COMMD1: variants seen among roughly 807,000 people sequenced by gnomAD.
COMMD1 encodes copper metabolism domain containing 1.
In COMMD1, 10 loss-of-function variants were observed where a neutral mutation model predicts 17.2. That is an observed-to-expected ratio of 0.58 (90% CI 0.36 to 0.99). The LOEUF is 0.99. Among genes scored for constraint, COMMD1 ranks in the 50% least tolerant of loss-of-function variants. The pLI is 0.01. For missense variants in COMMD1, 270 were observed against 231.8 expected (o/e 1.17, Z -1.07); for synonymous variants, 97 against 91.6 (o/e 1.06, Z -0.34).
At chr2:61,916,864 T>C (rs1028416764) in intron 1 of COMMD1, among the ~76,000 whole-genome samples, 16 of 152,206 alleles carry the variant, frequency 1.1e-4, no homozygotes, top group Admixed American at 2.0e-4. Context: ...AACATTTTAT[T>C]GCTAAGACAT....
chr2:61,912,507 C>T (rs903987599), intron 1 of COMMD1, among the ~76,000 whole-genome samples: 3 of 151,782 alleles, frequency 2.0e-5, no homozygotes, highest in Admixed American at 6.6e-5. Context: ...GAGGCCAAGG[C>T]GGGCAGATCA....
At chr2:62,023,235 A>G (rs1339105735) in intron 2 of COMMD1, among the ~76,000 whole-genome samples, 5 of 152,176 alleles carry the variant, frequency 3.3e-5, no homozygotes, top group Non-Finnish European at 7.4e-5. Flanking sequence ...TCAAAAAAAA[A>G]AAAAAGCATG....
chr2:61,905,665 G>C (rs571103759), upstream of COMMD1: 692 of 1,536,894 alleles, frequency 4.5e-4, 14 homozygotes, highest in South Asian at 7.8e-3. Context: ...TGCGGGGCGG[G>C]GCCTTCGCAG....
intron 2 of COMMD1, among the ~76,000 whole-genome samples, chr2:62,104,031 G>T (rs571053088): frequency 6.6e-6 from 1 of 152,076 alleles, no homozygotes; most frequent in Non-Finnish European, 1.5e-5. Context: ...TGTATAGTCA[G>T]GGTCTCACTT....
chr2:62,101,876 T>C (rs1179002999), intron 2 of COMMD1, among the ~76,000 whole-genome samples: 1 of 152,200 alleles, frequency 6.6e-6, no homozygotes, highest in Non-Finnish European at 1.5e-5. Flanking sequence ...TTATGGTGTC[T>C]GTCTCATGTA....
intron 1 of COMMD1, chr2:61,968,823 G>A (rs527948765): frequency 5.5e-6 from 1 of 182,066 alleles, no homozygotes; most frequent in African/African-American, 2.4e-5. Flanking sequence ...TTCACAAAGT[G>A]CTGGGATTAC....
Position 62,049,122 on chromosome 2 carries a change from A to G in COMMD1, c.462+48140A>G, listed in dbSNP as rs144428008. On this transcript the variant is annotated intron_variant, in intron 2 of 2. Transcript: ENST00000311832. Reference sequence around the variant, plus strand: ...AAATTGAATAATAATTAATTGCCCAATACTAAGGATATGGTATCTACATAT... The same window carrying G: ...AAATTGAATAATAATTAATTGCCCAGTACTAAGGATATGGTATCTACATAT... Among the ~76,000 whole-genome samples the G allele has an allele frequency of 7.2e-4, 109 of 152,210 alleles. 1 individual carries two copies. Among genetic ancestry groups the G allele is most frequent in the African/African-American group, 2.6e-3 (107 of 41,532 alleles).
chr2:62,134,627 T>C (rs1044356322), intron 2 of COMMD1, among the ~76,000 whole-genome samples: 2 of 151,984 alleles, frequency 1.3e-5, no homozygotes, highest in African/African-American at 4.8e-5. Context: ...ATTTTTTTTT[T>C]TAGTTAACTG....
At chr2:62,095,535 C>G (rs866869534) in intron 2 of COMMD1, among the ~76,000 whole-genome samples, 4 of 151,984 alleles carry the variant, frequency 2.6e-5, no homozygotes, top group African/African-American at 9.7e-5. Flanking sequence ...CTGCCTGTAG[C>G]AACCTATATG....
At chr2:62,092,277 T>C (rs1330823801) in intron 2 of COMMD1, among the ~76,000 whole-genome samples, 1 of 152,180 alleles carries the variant, frequency 6.6e-6, no homozygotes, top group Non-Finnish European at 1.5e-5. Flanking sequence ...ATTCAGGGTT[T>C]TAGCAATATT....
At chr2:61,935,882 T>G (rs1406730639) in intron 1 of COMMD1, among the ~76,000 whole-genome samples, 1 of 152,052 alleles carries the variant, frequency 6.6e-6, no homozygotes, top group Non-Finnish European at 1.5e-5. Flanking sequence ...AGTGGAGCTA[T>G]CTCAGCTCAC....
chr2:62,023,721 G>A (rs549368146), intron 2 of COMMD1, among the ~76,000 whole-genome samples: 1 of 152,274 alleles, frequency 6.6e-6, no homozygotes, highest in Non-Finnish European at 1.5e-5. Flanking sequence ...TTGACCTTGG[G>A]TGTTCCGCCC....
At position 61,905,829 on chromosome 2, in the gene COMMD1, T is replaced by C. The variant is rs747974589; in HGVS notation, c.151T>C (p.Phe51Leu). ...GGTGCCACCCGAGGAGTTCCGCCCC[T>C]TTCTGGCAAAGATGAGGGGGATTCT... The part of the protein sequence containing the change: ...PEVPPEEFRP[F>L]LAKMRGILKS... Residue 51 changes from phenylalanine to leucine, a missense_variant, in exon 1 of 3, where the codon TTT (phenylalanine) becomes CTT (leucine). By Grantham distance (22) the Phe-to-Leu change is conservative (BLOSUM62 0). Transcript: ENST00000311832. 5 of 1,614,232 alleles carry C rather than the reference T, an allele frequency of 3.1e-6. No homozygotes were observed. The South Asian group carries it at 3.3e-5, about 11-fold the overall frequency.
intron 2 of COMMD1, chr2:62,070,211 G>T (rs563540132): frequency 3.3e-5 from 5 of 152,260 alleles, no homozygotes; most frequent in African/African-American, 1.2e-4. Context: ...ACACGGGTTT[G>T]AACTGCACAG....
intron 2 of COMMD1, among the ~76,000 whole-genome samples, chr2:62,033,969 G>A (rs977492669): frequency 1.3e-5 from 2 of 151,764 alleles, no homozygotes; most frequent in Non-Finnish European, 2.9e-5. Flanking sequence ...AAAATAGCCA[G>A]GCTGGTGGTG....
chr2:62,019,123 C>G (rs1669540338), intron 2 of COMMD1, among the ~76,000 whole-genome samples: 1 of 130,574 alleles, frequency 7.7e-6, no homozygotes. Context: ...CTCCCTCCCT[C>G]CCTCCCTCCC....
intron 2 of COMMD1, among the ~76,000 whole-genome samples, chr2:62,029,453 T>C (rs150811660): frequency 1.2e-4 from 18 of 152,206 alleles, no homozygotes; most frequent in African/African-American, 4.3e-4. Flanking sequence ...AATAAAATAA[T>C]ATAATGTACC....
chr2:61,981,318 A>T (rs187108197), intron 1 of COMMD1, among the ~76,000 whole-genome samples: 1 of 152,142 alleles, frequency 6.6e-6, no homozygotes, highest in Middle Eastern at 3.2e-3. Context: ...TTTTGATTTG[A>T]TTTTTGTACA....
chr2:61,947,664 C>T (rs1411420110), intron 1 of COMMD1, among the ~76,000 whole-genome samples: 1 of 151,058 alleles, frequency 6.6e-6, no homozygotes, highest in Non-Finnish European at 1.5e-5. Context: ...GCATGGGCGA[C>T]AGAGCGAGAT....
Sources: allele counts gnomAD v4.1 joint callset (sites outside exome capture counted in the v4.1 genomes callset), GRCh38; gene constraint gnomAD v4.1.1; transcripts MANE v1.5; gene names NCBI Gene and HGNC (gene_info 2026-07-23, HGNC 2026-07-21).